Variants in TMEM94 observed in about 807,000 individuals in gnomAD.
The protein encoded by TMEM94 is transmembrane protein 94.
Under a neutral mutation model 158.6 loss-of-function variants are expected in TMEM94, and 81 were observed. That is an observed-to-expected ratio of 0.51 (90% CI 0.43 to 0.61). The LOEUF (loss-of-function observed/expected upper bound fraction) is 0.61, where lower values mean the gene tolerates loss of function less well. TMEM94 is among the 20% of genes least tolerant of loss of function. TMEM94 has a pLI of 0.00. For missense variants in TMEM94, 1,435 were observed against 1,762.0 expected (o/e 0.81, Z 3.32); for synonymous variants, 751 against 730.7 (o/e 1.03, Z -0.45).
chr17:75,478,524 G>A (rs888354558), intron 2 of TMEM94, among the ~76,000 whole-genome samples: 23 of 152,016 alleles, frequency 1.5e-4, no homozygotes, highest in Non-Finnish European at 3.1e-4. Flanking sequence ...CTCCAGAGCT[G>A]GGCCTGCTCA....
intron 24 of TMEM94, 89 bp from the exon 25 acceptor site, chr17:75,496,641 C>T (rs908097241): frequency 1.5e-5 from 21 of 1,441,694 alleles, no homozygotes; most frequent in Middle Eastern, 1.8e-4. Flanking sequence ...GCATCCTGGG[C>T]GTCTGGCTCT....
chr17:75,487,749 G>A lies in TMEM94; in HGVS notation c.410-183G>A, dbSNP rs76778441. Reference sequence around the variant, plus strand: ...TAGAGGCTCTGGGGCTGGAGTGGCCGGGTAGGGCTTTATAAGGGAGGCATC... The same window carrying A: ...TAGAGGCTCTGGGGCTGGAGTGGCCAGGTAGGGCTTTATAAGGGAGGCATC... On this transcript the variant is annotated intron_variant, in intron 5 of 31. Coordinates refer to ENST00000314256, the MANE Select transcript of TMEM94 (RefSeq NM_014738.6). This position sits in a 1 kb window ranked among gnomAD's most constrained non-coding sequence, Gnocchi z 4.6. Among the ~76,000 whole-genome samples the A allele has an allele frequency of 3.9e-5, 6 of 152,056 alleles. No individual in the cohort carries two copies. Among genetic ancestry groups the A allele is most frequent in the Non-Finnish European group, 7.4e-5 (5 of 68,008 alleles).
chr17:75,493,464 ACT>A (rs1324933169), intron 16 of TMEM94, 25 bp from the exon 17 acceptor site: 1 of 1,607,644 alleles, frequency 6.2e-7, no homozygotes, highest in South Asian at 1.1e-5. Flanking sequence ...GGTTAGCGAC[ACT>A]CAGGGTTTGA....
chr17:75,497,897 A>C, intron 27 of TMEM94, 35 bp downstream of exon 27: 1 of 1,572,838 alleles, frequency 6.4e-7, no homozygotes, highest in Non-Finnish European at 8.7e-7. Flanking sequence ...CTTGCAAGTG[A>C]GCATGGAAGG....
chr17:75,497,472 G>C (rs1403952952), intron 26 of TMEM94, among the ~76,000 whole-genome samples: 1 of 145,752 alleles, frequency 6.9e-6, no homozygotes, highest in African/African-American at 2.5e-5. Context: ...TCCTGCCTCA[G>C]CCCCCTGAGT....
chr17:75,493,387 C>T, intron 16 of TMEM94, 104 bp from the exon 17 acceptor site: 1 of 1,175,964 alleles, frequency 8.5e-7, no homozygotes, highest in Non-Finnish European at 1.2e-6. Context: ...CCTCCTCTGG[C>T]AGGGGCTCCT....
rs772153921 is a variant in TMEM94, at chr17:75,488,840, A to G, written c.694A>G (p.Arg232Gly). The G allele has an allele frequency of 6.2e-6, 10 of 1,612,106 alleles. No homozygotes were observed. The Admixed American group carries it at 8.4e-5, about 13-fold the overall frequency. Residue 232 changes from arginine to glycine, a missense_variant, in exon 7 of 32, where the codon AGA becomes GGA. Arg to Gly is a moderately radical substitution (Grantham distance 125). Transcript: ENST00000314256. The part of the protein sequence containing the change: ...PPPSPRGEVE[R>G]GPQSPQQHRL... The stretch of plus-strand genomic sequence containing the variant: ...ACCCTCACCCCGGGGAGAAGTGGAG[A>G]GAGGGCCACAGAGCCCCCAGCAGCA...
At chr17:75,463,857 A>G (rs1215322397) in intron 1 of TMEM94, among the ~76,000 whole-genome samples, 1 of 152,200 alleles carries the variant, frequency 6.6e-6, no homozygotes, top group African/African-American at 2.4e-5. Context: ...TATTGACTGT[A>G]ATGCCACCAA....
rs1449309108 is a variant in TMEM94 at position 75,497,712 on chromosome 17, T to A, written c.3408-69T>A. 3.1e-6 allele frequency: 4 copies of A among 1,272,298 alleles called. No individual in the cohort carries two copies. In the South Asian group the frequency reaches 3.6e-5, roughly 11 times the overall value. The allele number at this position is 1,272,298 out of a possible 1,614,324, so 78.8% of individuals were successfully genotyped here. On this transcript the variant is annotated intron_variant, in intron 26 of 31. Transcript: ENST00000314256. ...CCTCACGCGCAAGACTCCCTAGAGG[T>A]TCCCTCTATGAGAATTGAGGGACAG...
chr17:75,477,242 G>A (rs2050746404), intron 2 of TMEM94, among the ~76,000 whole-genome samples: 1 of 152,146 alleles, frequency 6.6e-6, no homozygotes, highest in Non-Finnish European at 1.5e-5. Context: ...GGAAAAGGAG[G>A]AAGCAGCTCT....
rs138177817 is a variant in TMEM94, at chr17:75,498,447, C to G, written c.3642C>G (p.Asn1214Lys). The G allele has an allele frequency of 8.8e-4, 1,394 of 1,587,484 alleles. 6 individuals are homozygous for G. The Middle Eastern group carries it at 0.026, about 30-fold the overall frequency. The change falls in exon 29 of 32, where the codon AAC (asparagine) becomes AAG (lysine). Residue 1214 changes from asparagine (N) to lysine (K), a missense_variant. Asn to Lys is a moderately conservative substitution (Grantham distance 94, BLOSUM62 0). This residue lies in a region of TMEM94 where 335 missense variants were observed against 409.1 expected (regional missense o/e 0.82). Transcript: ENST00000314256. The surrounding 1 kb of genome is among the most constrained non-coding windows in gnomAD (Gnocchi z 6.7). ...TNCSSVMLPS[N>K]DDRAPAWFED... ...AGCCCATGCCTCACTTTGGCAGCAA[C>G]GACGACAGGGCTCCAGCCTGGTTTG...
chr17:75,499,252 G>T lies in TMEM94; in HGVS notation c.3999-10G>T, dbSNP rs1020911481. On this transcript the variant is annotated splice_polypyrimidine_tract_variant and intron_variant, in intron 31 of 31. Transcript: ENST00000314256. ...TTGCCAACCTGTACTTTAATCTCCTGCCCCACCAGGGTCCGAGTCCGCTAC... is the reference window on the plus strand; with the variant it reads ...TTGCCAACCTGTACTTTAATCTCCTTCCCCACCAGGGTCCGAGTCCGCTAC... 1.2e-6 allele frequency: 2 copies of T among 1,613,370 alleles called. No individual in the cohort carries two copies. Among genetic ancestry groups the T allele is most frequent in the Non-Finnish European group, 1.7e-6 (2 of 1,179,944 alleles).
In TMEM94 at chr17:75,499,341, G is replaced by C. The variant is rs754118978; in HGVS notation, c.*7G>C. ...CATGAACTCTCCCTTCTGAGCCACTGGCTGTGGTGGCTGTAGTTGCCCCCG... is the reference window on the plus strand; with the variant it reads ...CATGAACTCTCCCTTCTGAGCCACTCGCTGTGGTGGCTGTAGTTGCCCCCG... On this transcript the variant is annotated 3_prime_UTR_variant, in exon 32 of 32. Coordinates refer to ENST00000314256, the MANE Select transcript of TMEM94 (RefSeq NM_014738.6). The C allele has an allele frequency of 6.2e-7, 1 of 1,612,418 alleles. No individual in the cohort carries two copies. Among genetic ancestry groups the C allele is most frequent in the Non-Finnish European group, 8.5e-7 (1 of 1,178,938 alleles).
intron 2 of TMEM94, among the ~76,000 whole-genome samples, chr17:75,479,530 G>A (rs1343079217): frequency 6.6e-6 from 1 of 151,862 alleles, no homozygotes; most frequent in African/African-American, 2.4e-5. Context: ...ATGTTGGCCA[G>A]GCTGGTCTCG....
Position 75,485,384 on chromosome 17 carries a change from C to T in TMEM94, c.25-44C>T. On this transcript the variant is annotated intron_variant, in intron 2 of 31. Coordinates refer to ENST00000314256, the MANE Select transcript of TMEM94 (RefSeq NM_014738.6). This position sits in a 1 kb window ranked among gnomAD's most constrained non-coding sequence, Gnocchi z 5.5. ...GTTGGGGCCCGCGTGCCTTGCATAGCCTTGGCCTGGCAGTGACGCCCAGCG... is the reference window on the plus strand; with the variant it reads ...GTTGGGGCCCGCGTGCCTTGCATAGTCTTGGCCTGGCAGTGACGCCCAGCG... 6.3e-7 allele frequency: 1 copy of T among 1,598,550 alleles called. No individual in the cohort carries two copies. The highest frequency in any genetic ancestry group is 8.6e-7 in the Non-Finnish European group (1 of 1,169,496).
chr17:75,459,973 A>T (rs1245349638), intron 1 of TMEM94, among the ~76,000 whole-genome samples: 1 of 152,066 alleles, frequency 6.6e-6, no homozygotes, highest in South Asian at 2.1e-4. Context: ...TTCCGAGCAG[A>T]CCCGCCAGCC....
In TMEM94 at chr17:75,485,669, T is replaced by G; in HGVS notation, c.144+122T>G. 1 of 1,433,660 alleles carries G rather than the reference T, an allele frequency of 7.0e-7. No individual in the cohort carries two copies. The highest frequency in any genetic ancestry group is 9.6e-7 in the Non-Finnish European group (1 of 1,044,912). The allele number at this position is 1,433,660 out of a possible 1,614,324, so 88.8% of individuals were successfully genotyped here. ...ACAGTGTGACCCAACTGAGGCCTCATGAAATATCAGAAAGAAGCCAAGGTT... is the reference window on the plus strand; with the variant it reads ...ACAGTGTGACCCAACTGAGGCCTCAGGAAATATCAGAAAGAAGCCAAGGTT... On this transcript the variant is annotated intron_variant, in intron 3 of 31. Coordinates refer to ENST00000314256, the MANE Select transcript of TMEM94 (RefSeq NM_014738.6). This position sits in a 1 kb window ranked among gnomAD's most constrained non-coding sequence, Gnocchi z 5.5.
chr17:75,484,944 G>A (rs1301194864), intron 2 of TMEM94, among the ~76,000 whole-genome samples: 2 of 151,706 alleles, frequency 1.3e-5, no homozygotes, highest in South Asian at 2.1e-4. Context: ...AGGCTGAGGC[G>A]GGAGAATCAC....
At chr17:75,460,691 T>C (rs1018055592) in intron 1 of TMEM94, among the ~76,000 whole-genome samples, 5 of 152,066 alleles carry the variant, frequency 3.3e-5, no homozygotes, top group African/African-American at 1.2e-4. Context: ...TTTTGTATTT[T>C]TTACAGAGAC....
Sources: gnomAD v4.1 joint callset for allele counts (sites outside exome capture counted in the v4.1 genomes callset) on GRCh38, gnomAD v4.1.1 for gene constraint, gnomAD v4.1.1 regional missense constraint, Gnocchi (gnomAD v3.1) non-coding constraint, MANE v1.5 for transcripts, NCBI Gene and HGNC (gene_info 2026-07-23, HGNC 2026-07-21) for gene names.